The following SAMD5 variants were observed in gnomAD, a reference collection of about 807,000 sequenced individuals.
SAMD5 encodes sterile alpha motif domain containing 5.
SAMD5 carries 13 observed loss-of-function variants against 11.3 expected under a neutral mutation model. The ratio of observed to expected loss-of-function variants is 1.15; its 90% confidence interval spans 0.75 to 1.83. The LOEUF (loss-of-function observed/expected upper bound fraction) is 1.83. Among genes scored for constraint, SAMD5 ranks in the 40% most tolerant of loss-of-function variants. The pLI, the probability that SAMD5 is intolerant of heterozygous loss-of-function variation, is 0.00. For synonymous variants in SAMD5, 129 were observed against 111.3 expected, an observed-to-expected ratio of 1.16 and a Z score of -1.00; for missense variants, 255 against 239.1, an observed-to-expected ratio of 1.07 and a Z score of -0.44.
At chr6:147,577,839 T>A (rs1033796142) in intron 1 of SAMD5, among the ~76,000 whole-genome samples, 6 of 152,176 alleles carry the variant, frequency 3.9e-5, no homozygotes, top group African/African-American at 1.4e-4. Context: ...TTAAAAAGGC[T>A]GTAGCAACTG....
At chr6:147,739,847 G>C (rs900943575), downstream of SAMD5, among the ~76,000 whole-genome samples, 4 of 151,588 alleles carry the variant, frequency 2.6e-5, no homozygotes, top group Non-Finnish European at 4.4e-5. Context: ...CTAGATGGAG[G>C]CTTGCTCTGT....
chr6:147,916,519 T>C, the SAMD5 span, among the ~76,000 whole-genome samples: 1,859 of 152,278 alleles, frequency 0.012, 39 homozygotes, highest in African/African-American at 0.042. Context: ...ATGAGTATTT[T>C]TTCATATGTC....
intron 1 of SAMD5, among the ~76,000 whole-genome samples, chr6:147,688,223 T>G (rs575678892): frequency 2.6e-5 from 4 of 152,300 alleles, no homozygotes; most frequent in Admixed American, 1.3e-4. Flanking sequence ...TTTTTAAAAT[T>G]TTATATATGA....
In SAMD5 at chr6:147,509,312, G is replaced by A. The variant is rs529847874; in HGVS notation, c.384G>A (p.Leu128=). ...GGGAGCTGGTGAGCTACCCCAAACTGAAGCTGAAGATCATGATCAGGGATA... is the reference window on the plus strand; with the variant it reads ...GGGAGCTGGTGAGCTACCCCAAACTAAAGCTGAAGATCATGATCAGGGATA... The part of the protein sequence containing the change: ...RSRELVSYPK[L]KLKIMIRDKL... Residue 128 remains leucine, a synonymous_variant, in exon 1 of 2, where the codon CTG becomes CTA. Transcript: ENST00000367474. 3.2e-6 allele frequency: 5 copies of A among 1,581,126 alleles called. No homozygotes were observed. Among genetic ancestry groups the A allele is most frequent in the African/African-American group, 1.4e-5 (1 of 72,598 alleles).
chr6:147,822,112 G>A, the SAMD5 span, among the ~76,000 whole-genome samples: 1 of 152,146 alleles, frequency 6.6e-6, no homozygotes, highest in Non-Finnish European at 1.5e-5. Context: ...AGTAAGACTA[G>A]ACCAAATATA....
intron 1 of SAMD5, among the ~76,000 whole-genome samples, chr6:147,727,221 A>G (rs1414454558): frequency 6.6e-6 from 1 of 152,140 alleles, no homozygotes; most frequent in Non-Finnish European, 1.5e-5. Flanking sequence ...ATGCAGTTGC[A>G]CAAACTGTTC....
At chr6:147,923,250 T>C in the SAMD5 span, among the ~76,000 whole-genome samples, 1 of 152,214 alleles carries the variant, frequency 6.6e-6, no homozygotes, top group Non-Finnish European at 1.5e-5. Flanking sequence ...ATATAGTGCA[T>C]TTCTAATTCT....
At chr6:147,729,182 C>A (rs991745185) in intron 1 of SAMD5, among the ~76,000 whole-genome samples, 6 of 152,152 alleles carry the variant, frequency 3.9e-5, no homozygotes, top group Non-Finnish European at 7.3e-5. Context: ...TATAAGGACA[C>A]CAGTCATATT....
At chr6:147,554,024 G>C (rs766753245) in intron 1 of SAMD5, among the ~76,000 whole-genome samples, 8 of 152,144 alleles carry the variant, frequency 5.3e-5, no homozygotes, top group Non-Finnish European at 1.2e-4. Context: ...AAAAGGGAAA[G>C]AGCTTTAATT....
At chr6:147,659,637 T>C (rs370357764) in intron 1 of SAMD5, among the ~76,000 whole-genome samples, 7 of 152,346 alleles carry the variant, frequency 4.6e-5, no homozygotes, top group African/African-American at 1.7e-4. Context: ...ATGAGTGTAT[T>C]CCGTTTAGGA....
chr6:147,520,765 TA>T (rs1788241598), intron 1 of SAMD5, among the ~76,000 whole-genome samples: 1 of 152,180 alleles, frequency 6.6e-6, no homozygotes, highest in African/African-American at 2.4e-5. Flanking sequence ...AAAGTGTATA[TA>T]TTTTTGGTGT....
At position 147,524,289 on chromosome 6, in the gene SAMD5, G is replaced by A. The variant is rs937666702; in HGVS notation, c.459+14902G>A. On this transcript the variant is annotated intron_variant, in intron 1 of 1. Transcript: ENST00000367474. The stretch of plus-strand genomic sequence containing the variant: ...GCATGACCCACTTGACCTGCTCTCC[G>A]ACAGCAAGTGTGATATTCTTGATCA... 5.3e-5 allele frequency among the ~76,000 whole-genome samples: 8 copies of A among 152,152 alleles called. No homozygotes were observed. In the East Asian group the frequency reaches 9.7e-4, roughly 18 times the overall value.
Position 147,565,492 on chromosome 6 carries a change from T to G in SAMD5, c.*1036T>G. On this transcript the variant is annotated 3_prime_UTR_variant, in exon 2 of 2. Transcript: ENST00000367474. Reference sequence around the variant, plus strand: ...TTTTTTTTTTTAGACAGAGTCTCGCTCTGTCACCCAGGCTGGAGTGTAGTG... The same window carrying G: ...TTTTTTTTTTTAGACAGAGTCTCGCGCTGTCACCCAGGCTGGAGTGTAGTG... 1 of 922,490 alleles carries G rather than the reference T, an allele frequency of 1.1e-6. No individual in the cohort carries two copies. Among genetic ancestry groups the G allele is most frequent in the African/African-American group, 1.8e-5 (1 of 55,356 alleles). 57.1% of individuals were successfully genotyped at this position (922,490 alleles called of 1,614,324 possible).
chr6:147,527,032 T>C (rs1450158592), intron 1 of SAMD5, among the ~76,000 whole-genome samples: 1 of 152,246 alleles, frequency 6.6e-6, no homozygotes, highest in East Asian at 1.9e-4. Flanking sequence ...TTATCCATAG[T>C]CACCCCTTTT....
chr6:147,905,947 C>T, the SAMD5 span, among the ~76,000 whole-genome samples: 1 of 152,326 alleles, frequency 6.6e-6, no homozygotes, highest in African/African-American at 2.4e-5. Flanking sequence ...AATTTGAGGG[C>T]TGCATGGGGC....
intron 1 of SAMD5, among the ~76,000 whole-genome samples, chr6:147,690,494 C>G (rs989321558): frequency 1.3e-5 from 2 of 151,944 alleles, no homozygotes; most frequent in African/African-American, 2.4e-5. Flanking sequence ...ACTAAAAATG[C>G]AAAAATTAGC....
chr6:147,718,782 C>A (rs1354670172), intron 1 of SAMD5, among the ~76,000 whole-genome samples: 3 of 152,082 alleles, frequency 2.0e-5, no homozygotes, highest in Non-Finnish European at 4.4e-5. Flanking sequence ...CCTCCCCCTC[C>A]CAGGTTCAAG....
chr6:147,929,833 A>G, the SAMD5 span, among the ~76,000 whole-genome samples: 2 of 152,238 alleles, frequency 1.3e-5, no homozygotes, highest in Non-Finnish European at 2.9e-5. Flanking sequence ...TAGAAAATTT[A>G]GTGTAGCTGA....
intron 1 of SAMD5, among the ~76,000 whole-genome samples, chr6:147,578,539 A>G (rs1249918850): frequency 1.3e-5 from 2 of 152,156 alleles, no homozygotes; most frequent in Admixed American, 6.5e-5. Flanking sequence ...TCTTTTTGTT[A>G]TTCATAAATA....
Sources: allele counts gnomAD v4.1 joint callset (sites outside exome capture counted in the v4.1 genomes callset), GRCh38; gene constraint gnomAD v4.1.1; transcripts MANE v1.5; gene names NCBI Gene and HGNC (gene_info 2026-07-23, HGNC 2026-07-21).